The following LRRC28 variants were observed in gnomAD, a reference collection of about 807,000 sequenced individuals.
LRRC28 encodes leucine-rich repeat-containing protein 28.
A neutral mutation model predicts 45.7 loss-of-function variants in LRRC28; 39 were observed. That is an observed-to-expected ratio of 0.85 (90% CI 0.66 to 1.12). The LOEUF (loss-of-function observed/expected upper bound fraction) is 1.12, where lower values mean the gene tolerates loss of function less well. Ranked by LOEUF, LRRC28 falls within the 50% of genes most tolerant of loss-of-function variation. The pLI is 0.00. For missense variants in LRRC28, 435 were observed against 438.5 expected (o/e 0.99, Z 0.07); for synonymous variants, 206 against 178.8 (o/e 1.15, Z -1.22).
rs1385247756 is a variant in LRRC28 at position 99,383,434 on chromosome 15, G to C, written c.1032-2596G>C. Reference sequence around the variant, plus strand: ...TTTGTCCAGAGTGTTTCAGGTGGAGGGGGGAAGACCTGGGAAGAATGGGGC... The same window carrying C: ...TTTGTCCAGAGTGTTTCAGGTGGAGCGGGGAAGACCTGGGAAGAATGGGGC... On this transcript the variant is annotated intron_variant, in intron 9 of 9. Transcript: ENST00000301981. Among the ~76,000 whole-genome samples, 4 of 152,174 alleles carry C rather than the reference G, an allele frequency of 2.6e-5. 1 individual carries two copies. The highest frequency in any genetic ancestry group is 4.1e-4 in the South Asian group (2 of 4,822).
At chr15:99,287,216 A>G in intron 3 of LRRC28, 41 bp from the exon 4 acceptor site, 2 of 1,512,946 alleles carry the variant, frequency 1.3e-6, no homozygotes, top group Non-Finnish European at 1.8e-6. Flanking sequence ...TGGCAAAAGT[A>G]CTTAATGATA....
chr15:99,335,952 A>T (rs1460689263), intron 6 of LRRC28, among the ~76,000 whole-genome samples: 1 of 152,198 alleles, frequency 6.6e-6, no homozygotes, highest in Admixed American at 6.5e-5. Context: ...AAATTTCATT[A>T]TAAGCAGCCT....
chr15:99,372,217 A>G (rs752755903), intron 9 of LRRC28, among the ~76,000 whole-genome samples: 2 of 152,228 alleles, frequency 1.3e-5, no homozygotes, highest in African/African-American at 2.4e-5. Flanking sequence ...GTGGGCTCCA[A>G]TATGTGCCAA....
intron 3 of LRRC28, among the ~76,000 whole-genome samples, chr15:99,280,823 T>C (rs982060297): frequency 3.3e-5 from 5 of 152,194 alleles, no homozygotes; most frequent in Non-Finnish European, 7.3e-5. Context: ...TGGCCCCTGC[T>C]TGTGGAACTC....
chr15:99,325,904 A>G (rs1162236521), intron 5 of LRRC28, among the ~76,000 whole-genome samples: 1 of 152,192 alleles, frequency 6.6e-6, no homozygotes, highest in East Asian at 1.9e-4. Flanking sequence ...ATATTTTAAT[A>G]TCACTTTGAC....
At chr15:99,292,352 G>A (rs766797957) in intron 5 of LRRC28, among the ~76,000 whole-genome samples, 30 of 132,788 alleles carry the variant, frequency 2.3e-4, no homozygotes, top group Non-Finnish European at 4.3e-4. Flanking sequence ...TTTATTAATC[G>A]TACAGTCTTT....
chr15:99,379,770 C>T (rs949761110), intron 9 of LRRC28, among the ~76,000 whole-genome samples: 2 of 152,186 alleles, frequency 1.3e-5, no homozygotes, highest in African/African-American at 4.8e-5. Context: ...CAAAGAACAT[C>T]TTTATTTCTG....
chr15:99,386,142 C>G lies in LRRC28; in HGVS notation c.*40C>G, dbSNP rs779779207. On this transcript the variant is annotated 3_prime_UTR_variant, in exon 10 of 10. Transcript: ENST00000301981. ...CCTCAGGAGCGCTGCCAGCTTGACA[C>G]TGGGGAATCCAGCCAGTCCAGCACA... 25 of 1,511,454 alleles carry G rather than the reference C, an allele frequency of 1.7e-5. No homozygotes were observed. Among genetic ancestry groups the G allele is most frequent in the Non-Finnish European group, 2.2e-5 (24 of 1,086,570 alleles). 93.6% of individuals were successfully genotyped at this position (1,511,454 alleles called of 1,614,324 possible).
chr15:99,365,505 G>A (rs770022081), intron 9 of LRRC28, among the ~76,000 whole-genome samples: 7 of 152,278 alleles, frequency 4.6e-5, no homozygotes, highest in East Asian at 1.9e-4. Flanking sequence ...TAAAAGCACC[G>A]GCTTCAGTTT....
At chr15:99,283,426 A>C (rs1293201939) in intron 3 of LRRC28, among the ~76,000 whole-genome samples, 1 of 150,262 alleles carries the variant, frequency 6.7e-6, no homozygotes, top group Non-Finnish European at 1.5e-5. Flanking sequence ...AGCTGGACCA[A>C]CATGCTGAAA....
intron 9 of LRRC28, among the ~76,000 whole-genome samples, chr15:99,380,406 C>A (rs1462414717): frequency 6.6e-6 from 1 of 152,202 alleles, no homozygotes; most frequent in African/African-American, 2.4e-5. Flanking sequence ...CTTCCTCCAT[C>A]CCTTTATTTT....
At chr15:99,364,372 T>C (rs547266980) in intron 9 of LRRC28, among the ~76,000 whole-genome samples, 1 of 152,320 alleles carries the variant, frequency 6.6e-6, no homozygotes, top group East Asian at 1.9e-4. Context: ...GTGTTTATCT[T>C]TTTCTTCCTC....
rs1278430146 is a variant in LRRC28 at position 99,256,008 on chromosome 15, C to G, written c.51C>G (p.His17Gln). The change falls in exon 2 of 10, where the codon CAC (histidine) becomes CAG (glutamine). Residue 17 changes from histidine (H) to glutamine (Q), a missense_variant. His to Gln is a conservative substitution (Grantham distance 24). Coordinates refer to ENST00000301981, the MANE Select transcript of LRRC28 (RefSeq NM_144598.5). ...KTISVARLEK[H>Q]KNLFLNYRNL... The stretch of plus-strand genomic sequence containing the variant: ...TCTCTGTGGCAAGGCTAGAAAAGCA[C>G]AAGAATTTGTTCTTAAATTATAGGA... 1.9e-6 allele frequency: 3 copies of G among 1,613,272 alleles called. No individual in the cohort carries two copies. The Admixed American group carries it at 5.0e-5, about 27-fold the overall frequency.
chr15:99,258,664 A>C (rs2081100388), intron 2 of LRRC28: 1 of 737,894 alleles, frequency 1.4e-6, no homozygotes, highest in East Asian at 2.8e-5. Flanking sequence ...CCATCCAAGA[A>C]GTAGAAGATG....
At chr15:99,282,097 T>G (rs7164003) in intron 3 of LRRC28, among the ~76,000 whole-genome samples, 2 of 151,106 alleles carry the variant, frequency 1.3e-5, no homozygotes, top group African/African-American at 4.9e-5. Context: ...CTGTATCCTG[T>G]TAGAGTTTTT....
chr15:99,314,036 C>T (rs976382925), intron 5 of LRRC28, among the ~76,000 whole-genome samples: 1 of 152,144 alleles, frequency 6.6e-6, no homozygotes, highest in African/African-American at 2.4e-5. Context: ...AGTTGTTTTT[C>T]AGAGTTTTGT....
Position 99,255,880 on chromosome 15 carries a change from T to G in LRRC28, c.-60-18T>G. On this transcript the variant is annotated intron_variant, in intron 1 of 9. Coordinates refer to ENST00000301981, the MANE Select transcript of LRRC28 (RefSeq NM_144598.5). ...TAAAAAATCTTACAATGAATAAATT[T>G]TCTCGTTCTCTTTATAGAAATGGAC... The G allele has an allele frequency of 6.9e-7, 1 of 1,458,010 alleles. No homozygotes were observed. Among genetic ancestry groups the G allele is most frequent in the Non-Finnish European group, 9.2e-7 (1 of 1,091,474 alleles). The allele number at this position is 1,458,010 out of a possible 1,614,324, so 90.3% of individuals were successfully genotyped here.
intron 2 of LRRC28, 67 bp downstream of exon 2, chr15:99,256,192 A>G: frequency 7.4e-7 from 1 of 1,357,722 alleles, no homozygotes. Context: ...ATACATTTAC[A>G]TACCCTAAGG....
At chr15:99,286,154 G>A (rs958079551) in intron 3 of LRRC28, among the ~76,000 whole-genome samples, 3 of 151,994 alleles carry the variant, frequency 2.0e-5, no homozygotes, top group African/African-American at 7.2e-5. Context: ...TTTTTGAGAC[G>A]GAGTCTCACT....
Sources: gnomAD v4.1 joint callset for allele counts (sites outside exome capture counted in the v4.1 genomes callset) on GRCh38, gnomAD v4.1.1 for gene constraint, MANE v1.5 for transcripts, NCBI Gene and HGNC (gene_info 2026-07-23, HGNC 2026-07-21) for gene names.